INPP4A: variants seen among roughly 807,000 people sequenced by gnomAD.
INPP4A encodes the protein inositol polyphosphate-4-phosphatase type I A.
INPP4A carries 33 observed loss-of-function variants against 119.8 expected under a neutral mutation model. The ratio of observed to expected loss-of-function variants is 0.28; its 90% CI spans 0.21 to 0.37. The LOEUF (loss-of-function observed/expected upper bound fraction) is 0.37, where lower values mean the gene tolerates loss of function less well. INPP4A is among the 10% of genes least tolerant of loss of function. The pLI is 1.00. For synonymous variants in INPP4A, 496 were observed against 500.7 expected, an observed-to-expected ratio of 0.99 and a Z score of 0.12; for missense variants, 956 against 1,289.9, an observed-to-expected ratio of 0.74 and a Z score of 3.97.
intron 1 of INPP4A, among the ~76,000 whole-genome samples, chr2:98,462,503 CACAG>C (rs1398085978): frequency 2.0e-5 from 3 of 151,868 alleles, no homozygotes; most frequent in Non-Finnish European, 4.4e-5. Flanking sequence ...TCTAGTTACA[CACAG>C]ACCTTTTATT....
intron 1 of INPP4A, among the ~76,000 whole-genome samples, chr2:98,510,101 C>T (rs1036178255): frequency 6.6e-6 from 1 of 152,212 alleles, no homozygotes; most frequent in Non-Finnish European, 1.5e-5. Context: ...TGGACACAGA[C>T]TGTGAGGACT....
At chr2:98,512,810 G>A (rs747318878) in intron 1 of INPP4A, among the ~76,000 whole-genome samples, 23 of 152,168 alleles carry the variant, frequency 1.5e-4, no homozygotes, top group Admixed American at 8.5e-4. Flanking sequence ...GGGGCCTGGT[G>A]GGCTTGGAGC....
intron 3 of INPP4A, among the ~76,000 whole-genome samples, chr2:98,520,483 A>G (rs1686972965): frequency 2.0e-5 from 3 of 152,138 alleles, no homozygotes; most frequent in Admixed American, 2.0e-4. Flanking sequence ...GGATGTGTAG[A>G]TCTGAGGAGG....
intron 1 of INPP4A, among the ~76,000 whole-genome samples, chr2:98,461,011 T>A (rs1697049174): frequency 6.6e-6 from 1 of 152,186 alleles, no homozygotes; most frequent in Admixed American, 6.5e-5. Context: ...AATAGCTGGC[T>A]GGGCAGCTGC....
At chr2:98,580,243 G>A (rs892812395) in intron 24 of INPP4A, among the ~76,000 whole-genome samples, 6 of 151,756 alleles carry the variant, frequency 4.0e-5, no homozygotes, top group Non-Finnish European at 8.8e-5. Context: ...AGTAGAGCAT[G>A]CAGGTGGGGG....
chr2:98,548,319 C>T (rs530906154), intron 13 of INPP4A, among the ~76,000 whole-genome samples: 1 of 152,324 alleles, frequency 6.6e-6, no homozygotes, highest in East Asian at 1.9e-4. Flanking sequence ...GTAACCAGAC[C>T]TGTCTTAGGA....
intron 1 of INPP4A, among the ~76,000 whole-genome samples, chr2:98,464,017 T>C (rs1223509925): frequency 1.3e-5 from 2 of 152,178 alleles, no homozygotes; most frequent in African/African-American, 2.4e-5. Context: ...AAAAAAGATA[T>C]CTCAGAGGGC....
chr2:98,539,431 A>G, intron 9 of INPP4A, 97 bp from the exon 10 acceptor site: 1 of 1,308,664 alleles, frequency 7.6e-7, no homozygotes, highest in Non-Finnish European at 1.1e-6. Context: ...AGAGGACTTG[A>G]GGTGTCACCA....
chr2:98,503,082 G>A (rs1011039315), intron 1 of INPP4A, among the ~76,000 whole-genome samples: 2 of 152,144 alleles, frequency 1.3e-5, no homozygotes, highest in Non-Finnish European at 2.9e-5. Flanking sequence ...TGTTCATGTG[G>A]TGGTGGGTGC....
In INPP4A at chr2:98,589,436, C is replaced by T. The variant is rs930092748; in HGVS notation, c.*1828C>T. The T allele has an allele frequency of 1.6e-5, 3 of 182,180 alleles. No homozygotes were observed. Among genetic ancestry groups the T allele is most frequent in the African/African-American group, 7.1e-5 (3 of 42,374 alleles). The allele number at this position is 182,180 out of a possible 1,614,324, so 11.3% of individuals were successfully genotyped here. A position where few individuals can be genotyped will look rare whatever the true frequency, so the allele number is the denominator to read the frequency against. ...CTTGCTTTTTAAAAATAAATATTAC[C>T]CACATAGTTTTCAGATCTTTTTTGT... On this transcript the variant is annotated 3_prime_UTR_variant, in exon 25 of 25. Coordinates refer to ENST00000409851, the MANE Select transcript of INPP4A (RefSeq NM_001134225.2).
At chr2:98,511,534 G>A (rs1166717684) in intron 1 of INPP4A, among the ~76,000 whole-genome samples, 1 of 152,156 alleles carries the variant, frequency 6.6e-6, no homozygotes, top group Non-Finnish European at 1.5e-5. Context: ...CCCCAGCTCT[G>A]AGGGGAGGAG....
chr2:98,447,571 A>G (rs1411452179), intron 1 of INPP4A, among the ~76,000 whole-genome samples: 1 of 151,770 alleles, frequency 6.6e-6, no homozygotes, highest in African/African-American at 2.4e-5. Context: ...GTATTTTGAT[A>G]TAGTTTCAGA....
chr2:98,587,702 T>G lies in INPP4A; in HGVS notation c.*94T>G. ...CTTCAAGAAGACCTGAAGGATTGGT[T>G]TTTATTTTTTGTGGTTTTTTTAAAA... On this transcript the variant is annotated 3_prime_UTR_variant, in exon 25 of 25. Coordinates refer to ENST00000409851, the MANE Select transcript of INPP4A (RefSeq NM_001134225.2). The G allele has an allele frequency of 9.5e-7, 1 of 1,051,432 alleles. No individual in the cohort carries two copies. The highest frequency in any genetic ancestry group is 1.4e-6 in the Non-Finnish European group (1 of 736,714). 65.1% of individuals were successfully genotyped at this position (1,051,432 alleles called of 1,614,324 possible).
chr2:98,565,689 G>A lies in INPP4A; in HGVS notation c.2202G>A (p.Leu734=). 1 of 1,613,506 alleles carries A rather than the reference G, an allele frequency of 6.2e-7. No individual in the cohort carries two copies. The highest frequency in any genetic ancestry group is 8.5e-7 in the Non-Finnish European group (1 of 1,179,558). Residue 734 remains leucine (L), a synonymous_variant, in exon 20 of 25, where the codon TTG becomes TTA. Coordinates refer to ENST00000409851, the MANE Select transcript of INPP4A (RefSeq NM_001134225.2). ...LEDMSLGIMD[L]RNVTFKVTQA... ...ACATGAGCCTTGGGATCATGGACTT[G>A]AGGAACGTGACCTTCAAAGTCACTC...
At chr2:98,560,367 A>G (rs1201240469) in intron 17 of INPP4A, among the ~76,000 whole-genome samples, 2 of 152,208 alleles carry the variant, frequency 1.3e-5, no homozygotes, top group Non-Finnish European at 1.5e-5. Flanking sequence ...CAGGCTAACA[A>G]GCTATTCCTG....
chr2:98,540,951 A>G (rs556284698), intron 10 of INPP4A, among the ~76,000 whole-genome samples: 1 of 152,250 alleles, frequency 6.6e-6, no homozygotes, highest in African/African-American at 2.4e-5. Context: ...GCGTGAAAGA[A>G]AGCAAGGCAG....
chr2:98,555,898 C>A, intron 16 of INPP4A, 90 bp downstream of exon 16: 1 of 1,435,508 alleles, frequency 7.0e-7, no homozygotes, highest in Non-Finnish European at 9.4e-7. Context: ...ATGCCCTCCT[C>A]CCCCATGCAG....
chr2:98,546,503 C>G lies in INPP4A; in HGVS notation c.1055-83C>G. On this transcript the variant is annotated intron_variant, in intron 12 of 24. Transcript: ENST00000409851. This position sits in a 1 kb window ranked among gnomAD's most constrained non-coding sequence, Gnocchi z 4.2. ...AGCAGTGGGCTGGAGGGTCAGGACC[C>G]CAGACTTGTGTGCATATCCCTATAG... 1 of 936,774 alleles carries G rather than the reference C, an allele frequency of 1.1e-6. No homozygotes were observed. The highest frequency in any genetic ancestry group is 1.7e-6 in the Non-Finnish European group (1 of 595,808). The allele number at this position is 936,774 out of a possible 1,614,324, so 58.0% of individuals were successfully genotyped here. A position where few individuals can be genotyped will look rare whatever the true frequency, so the allele number is the denominator to read the frequency against.
At chr2:98,506,360 C>T (rs1283020475) in intron 1 of INPP4A, among the ~76,000 whole-genome samples, 2 of 152,254 alleles carry the variant, frequency 1.3e-5, no homozygotes, top group African/African-American at 4.8e-5. Context: ...CTTGAGGGAG[C>T]CCCTCTACCA....
Sources: gnomAD v4.1 joint callset for allele counts (sites outside exome capture counted in the v4.1 genomes callset) on GRCh38, gnomAD v4.1.1 for gene constraint, Gnocchi (gnomAD v3.1) non-coding constraint, MANE v1.5 for transcripts, NCBI Gene and HGNC (gene_info 2026-07-23, HGNC 2026-07-21) for gene names.